Variants in MAG observed in about 807,000 individuals in gnomAD.
MAG encodes myelin associated glycoprotein, also known as myelin-associated glycoprotein.
In MAG, 30 loss-of-function variants were observed where a neutral mutation model predicts 60.7. That is an observed-to-expected ratio of 0.49 (90% confidence interval 0.37 to 0.67). MAG has a LOEUF of 0.67. Among genes scored for constraint, MAG ranks in the 30% least tolerant of loss-of-function variants. The pLI is 0.00. For synonymous variants in MAG, 384 were observed against 376.8 expected, an observed-to-expected ratio of 1.02 and a Z score of -0.22; for missense variants, 795 against 851.7, an observed-to-expected ratio of 0.93 and a Z score of 0.83.
intron 10 of MAG, 75 bp from the exon 11 acceptor site, chr19:35,313,215 G>A (rs2066541283): frequency 9.5e-6 from 14 of 1,469,510 alleles, no homozygotes; most frequent in Non-Finnish European, 1.3e-5. Flanking sequence ...AGCTCTGAGG[G>A]TGCAAACGCT....
chr19:35,300,276 G>A lies in MAG; in HGVS notation c.842G>A (p.Arg281Gln), dbSNP rs778233016. 13 of 1,598,780 alleles carry A rather than the reference G, an allele frequency of 8.1e-6. No homozygotes were observed. Among genetic ancestry groups the A allele is most frequent in the African/African-American group, 2.7e-5 (2 of 74,866 alleles). Reference protein sequence around the residue: ...LTWMRDGTVLREAVAESLLLE... With the variant: ...LTWMRDGTVLQEAVAESLLLE... ...TGGATGCGGGACGGGACAGTCCTCCGGGAGGCGGTGGCCGAGAGCCTGCTC... is the reference window on the plus strand; with the variant it reads ...TGGATGCGGGACGGGACAGTCCTCCAGGAGGCGGTGGCCGAGAGCCTGCTC... The change falls in exon 6 of 11, where the codon CGG becomes CAG. Residue 281 changes from arginine (R) to glutamine (Q), a missense_variant. Transcript: ENST00000392213.
At position 35,302,627 on chromosome 19, in the gene MAG, C is replaced by T; in HGVS notation, c.1150C>T (p.Pro384Ser). ...ELQLELPAVS[P>S]EDDGEYWCVA... ...GCAGCTGGAGCTGCCGGCCGTGTCA[C>T]CCGAGGATGATGGAGAGTACTGGTG... Residue 384 changes from proline (P) to serine (S), a missense_variant, in exon 7 of 11, where the codon CCC becomes TCC. Coordinates refer to ENST00000392213, the MANE Select transcript of MAG (RefSeq NM_002361.4). 3 of 1,614,198 alleles carry T rather than the reference C, an allele frequency of 1.9e-6. No individual in the cohort carries two copies. Among genetic ancestry groups the T allele is most frequent in the Non-Finnish European group, 2.5e-6 (3 of 1,180,036 alleles).
chr19:35,308,106 T>C (rs573369815), intron 7 of MAG, among the ~76,000 whole-genome samples: 20 of 151,964 alleles, frequency 1.3e-4, no homozygotes, highest in Non-Finnish European at 2.1e-4. Flanking sequence ...CTTATGTAAG[T>C]GTGTGATGCA....
Position 35,294,276 on chromosome 19 carries a change from C to T in MAG, c.-38C>T, listed in dbSNP as rs2066380089. 1 of 441,256 alleles carries T rather than the reference C, an allele frequency of 2.3e-6. No individual in the cohort carries two copies. The highest frequency in any genetic ancestry group is 4.5e-6 in the Non-Finnish European group (1 of 220,708). 27.3% of individuals were successfully genotyped at this position (441,256 alleles called of 1,614,324 possible). A position where few individuals can be genotyped will look rare whatever the true frequency, so the allele number is the denominator to read the frequency against. ...AGGTGGACCCAGAAGACGTCCCCAA[C>T]TCAGGGAGATTCAGGTGAGGGGCAG... On this transcript the variant is annotated 5_prime_UTR_variant, in exon 2 of 11. Coordinates refer to ENST00000392213, the MANE Select transcript of MAG (RefSeq NM_002361.4).
intron 6 of MAG, among the ~76,000 whole-genome samples, chr19:35,302,063 A>T (rs950234553): frequency 1.3e-5 from 2 of 152,116 alleles, no homozygotes; most frequent in African/African-American, 2.4e-5. Flanking sequence ...ATTTAATTAC[A>T]TCGGCTGTTT....
chr19:35,309,691 T>C, intron 7 of MAG, 183 bp from the exon 8 acceptor site: 1 of 647,952 alleles, frequency 1.5e-6, no homozygotes, highest in Non-Finnish European at 2.7e-6. Flanking sequence ...GCCGGCGGGG[T>C]CGTAGTGAGG....
chr19:35,298,131 A>G (rs2066416660), intron 4 of MAG, among the ~76,000 whole-genome samples: 1 of 150,764 alleles, frequency 6.6e-6, no homozygotes, highest in African/African-American at 2.4e-5. Context: ...CACACACTGC[A>G]CATGCTACCC....
chr19:35,309,683 C>T (rs1423841030), intron 7 of MAG, 191 bp from the exon 8 acceptor site: 4 of 627,108 alleles, frequency 6.4e-6, no homozygotes, highest in Admixed American at 2.8e-5. Flanking sequence ...AACAGGCAGC[C>T]GGCGGGGTCG....
chr19:35,302,837 G>GGCAGGGAAGCTGAATTCACA, intron 7 of MAG, 129 bp downstream of exon 7: 1 of 1,151,550 alleles, frequency 8.7e-7, no homozygotes. Context: ...AGGAAGGGAG[G>GGCAGGGAAGCTGAATTCACA]GCAGGGAAGC....
chr19:35,310,440 C>T (rs2066518539), intron 8 of MAG, 107 bp from the exon 9 acceptor site: 7 of 1,015,060 alleles, frequency 6.9e-6, no homozygotes, highest in Non-Finnish European at 9.1e-6. Flanking sequence ...AAGGATGCCC[C>T]GGCTGTGTGA....
At position 35,295,684 on chromosome 19, in the gene MAG, A is replaced by G; in HGVS notation, c.118A>G (p.Ile40Val). The part of the protein sequence containing the change: ...ISAFEGTCVS[I>V]PCRFDFPDEL... ...GGCCTTCGAAGGCACGTGCGTCTCC[A>G]TCCCCTGCCGCTTTGACTTCCCGGA... Residue 40 changes from isoleucine to valine, a missense_variant, in exon 4 of 11, where the codon ATC (isoleucine) becomes GTC (valine). Coordinates refer to ENST00000392213, the MANE Select transcript of MAG (RefSeq NM_002361.4). This position sits in a 1 kb window ranked among gnomAD's most constrained non-coding sequence, Gnocchi z 5.8. The G allele has an allele frequency of 6.2e-7, 1 of 1,613,010 alleles. No individual in the cohort carries two copies. The highest frequency in any genetic ancestry group is 8.5e-7 in the Non-Finnish European group (1 of 1,179,972).
chr19:35,308,424 T>G (rs924854050), intron 7 of MAG, among the ~76,000 whole-genome samples: 1 of 152,158 alleles, frequency 6.6e-6, no homozygotes, highest in African/African-American at 2.4e-5. Flanking sequence ...TGAGGGGCCT[T>G]GTAGATGAAA....
At chr19:35,292,962 C>T (rs2066368157) in intron 1 of MAG, among the ~76,000 whole-genome samples, 2 of 152,134 alleles carry the variant, frequency 1.3e-5, no homozygotes, top group African/African-American at 4.8e-5. Context: ...GCATTTTAAT[C>T]CAACAGATCT....
rs370719292 is a variant in MAG at position 35,309,969 on chromosome 19, G to T, written c.1327G>T (p.Ala443Ser). Reference sequence around the variant, plus strand: ...GAAGTCCAACCCGGAGCCGTCCGTGGCCTTTGAGCTGCCATCGCGCAATGT... The same window carrying T: ...GAAGTCCAACCCGGAGCCGTCCGTGTCCTTTGAGCTGCCATCGCGCAATGT... ...VVKSNPEPSVAFELPSRNVTV... is the reference protein window; with the variant it reads ...VVKSNPEPSVSFELPSRNVTV... The change falls in exon 8 of 11, where the codon GCC becomes TCC. Residue 443 changes from alanine (A) to serine (S), a missense_variant. Transcript: ENST00000392213. The T allele has an allele frequency of 1.2e-6, 2 of 1,614,030 alleles. No homozygotes were observed. Among genetic ancestry groups the T allele is most frequent in the Non-Finnish European group, 1.7e-6 (2 of 1,179,940 alleles).
At chr19:35,304,575 C>T (rs1479747111) in intron 7 of MAG, among the ~76,000 whole-genome samples, 1 of 152,050 alleles carries the variant, frequency 6.6e-6, no homozygotes, top group Non-Finnish European at 1.5e-5. Flanking sequence ...GAGTCTCGCT[C>T]TGTCACCCAG....
intron 7 of MAG, among the ~76,000 whole-genome samples, chr19:35,309,269 C>T (rs1046699375): frequency 2.0e-5 from 3 of 152,114 alleles, no homozygotes; most frequent in Non-Finnish European, 4.4e-5. Context: ...AGGCACTAAA[C>T]CACCAGGTGA....
chr19:35,299,089 G>A (rs2066426381), intron 4 of MAG, among the ~76,000 whole-genome samples: 1 of 151,696 alleles, frequency 6.6e-6, no homozygotes, highest in African/African-American at 2.4e-5. Context: ...ACACTCACAT[G>A]CCCGGCGGAG....
intron 6 of MAG, 141 bp from the exon 7 acceptor site, chr19:35,302,307 C>G: frequency 1.1e-6 from 1 of 897,640 alleles, no homozygotes; most frequent in Non-Finnish European, 1.7e-6. Flanking sequence ...AATGAGATAG[C>G]CAGGACTGGG....
chr19:35,303,691 G>A (rs1181616311), intron 7 of MAG, among the ~76,000 whole-genome samples: 4 of 152,134 alleles, frequency 2.6e-5, no homozygotes, highest in African/African-American at 9.7e-5. Context: ...CTGGAGAGAT[G>A]ACACAGATGC....
Sources: gnomAD v4.1 joint callset for allele counts (sites outside exome capture counted in the v4.1 genomes callset) on GRCh38, gnomAD v4.1.1 for gene constraint, Gnocchi (gnomAD v3.1) non-coding constraint, MANE v1.5 for transcripts, NCBI Gene and HGNC (gene_info 2026-07-23, HGNC 2026-07-21) for gene names.